PON1: variants seen among roughly 807,000 people sequenced by gnomAD.
PON1 encodes serum paraoxonase/arylesterase 1.
In PON1, 37 loss-of-function variants were observed where a neutral mutation model predicts 39.2. The observed-to-expected ratio is 0.94, with a 90% CI of 0.73 to 1.24. The LOEUF (loss-of-function observed/expected upper bound fraction) is 1.24, where lower values mean the gene tolerates loss of function less well. Ranked by LOEUF, PON1 falls within the 50% of genes most tolerant of loss-of-function variation. PON1 has a pLI of 0.00. For synonymous variants in PON1, 148 were observed against 152.2 expected (o/e 0.97, Z 0.21); for missense variants, 397 against 413.5 (o/e 0.96, Z 0.35).
Position 95,314,394 on chromosome 7 carries a change from GGAAGGAAGGAAGGGAA to G in PON1, c.370+912_370+927del, listed in dbSNP as rs1397398716. Among the ~76,000 whole-genome samples, 22 of 151,132 alleles carry G rather than the reference GGAAGGAAGGAAGGGAA, an allele frequency of 1.5e-4. 1 individual carries two copies. Among genetic ancestry groups the G allele is most frequent in the Admixed American group, 1.2e-3 (18 of 15,102 alleles). On this transcript the variant is annotated intron_variant, in intron 4 of 8. Transcript: ENST00000222381. ...AAAACAAAAAACAAAAGGAGGTGAA[GGAAGGAAGGAAGGGAA>G]GAGGGAAGGAAGGAGAGGGAGGAAG...
intron 1 of PON1, 43 bp from the exon 2 acceptor site, chr7:95,318,436 A>T (rs1363174635): frequency 1.3e-6 from 2 of 1,524,564 alleles, no homozygotes; most frequent in Admixed American, 3.3e-5. Context: ...AACTATTCAG[A>T]AATTATAATA....
chr7:95,322,013 G>A (rs1229735533), intron 1 of PON1, among the ~76,000 whole-genome samples: 3 of 152,020 alleles, frequency 2.0e-5, no homozygotes, highest in African/African-American at 4.8e-5. Context: ...GAAACACAAC[G>A]TTTGCAAAGA....
At chr7:95,318,831 A>G (rs1465736656) in intron 1 of PON1, among the ~76,000 whole-genome samples, 1 of 152,204 alleles carries the variant, frequency 6.6e-6, no homozygotes, top group Non-Finnish European at 1.5e-5. Context: ...CTGCTTTGTG[A>G]TGTAGTGCTT....
At chr7:95,311,662 T>A in intron 4 of PON1, 85 bp from the exon 5 acceptor site, 1 of 1,394,144 alleles carries the variant, frequency 7.2e-7, no homozygotes, top group South Asian at 1.2e-5. Flanking sequence ...TCAACCCACC[T>A]CCAGCTAGTA....
chr7:95,317,573 C>CAAAAAAA (rs869140411), intron 2 of PON1, among the ~76,000 whole-genome samples: 86 of 46,602 alleles, frequency 1.8e-3, no homozygotes, highest in East Asian at 3.7e-3. Flanking sequence ...TCTAAAAGAA[C>CAAAAAAA]AAAAAAAAAA....
intron 4 of PON1, among the ~76,000 whole-genome samples, chr7:95,311,904 G>A (rs1388033648): frequency 1.3e-5 from 2 of 152,188 alleles, no homozygotes; most frequent in Non-Finnish European, 2.9e-5. Flanking sequence ...GCACAGTTGC[G>A]ATGAAAGGGA....
rs745828872 is a variant in PON1, at chr7:95,299,075, C to CTGTT, written c.933_936dup (p.Glu313AsnfsTer5). 63 of 1,613,976 alleles carry CTGTT rather than the reference C, an allele frequency of 3.9e-5. No individual in the cohort carries two copies. Among genetic ancestry groups the CTGTT allele is most frequent in the Middle Eastern group, 1.6e-4 (1 of 6,084 alleles). On this transcript the variant is annotated frameshift_variant, in exon 9 of 9. Transcript: ENST00000222381. LOFTEE classifies it high-confidence loss of function. ...TAAACCTGTGTCACTTTAGGTTCTT[C>CTGTT]TGTTAGAATGTTCTGGATTCGAAGC...
In PON1 at chr7:95,315,272, TTTTTG is replaced by T. The variant is rs780894688; in HGVS notation, c.370+45_370+49del. On this transcript the variant is annotated intron_variant, in intron 4 of 8. Transcript: ENST00000222381. ...ATTCATTTATTGGCATGTTTTTCTG[TTTTTG>T]TTTTAAGTTTGGTTTTGGTTTTAAT... is the stretch of plus-strand genomic sequence containing the variant. 7.6e-5 allele frequency: 113 copies of T among 1,485,964 alleles called. 1 individual carries two copies. In the African/African-American group the frequency reaches 1.3e-3, roughly 18 times the overall value. 92.0% of individuals were successfully genotyped at this position (1,485,964 alleles called of 1,614,324 possible). A position where few individuals can be genotyped will look rare whatever the true frequency, so the allele number is the denominator to read the frequency against.
In PON1 at chr7:95,311,572, C is replaced by T. The variant is rs148785172; in HGVS notation, c.376G>A (p.Ala126Thr). 9.2e-5 allele frequency: 148 copies of T among 1,614,088 alleles called. 1 individual carries two copies. In the African/African-American group the frequency reaches 1.5e-3, roughly 16 times the overall value. ...GISTFTDEDN[A>T]MYLLVVNHPD... ...TGGTTCACCACCAGGAGGTACATGGCATTATCTGAGAGGAGATTAAAAACA... is the reference window on the plus strand; with the variant it reads ...TGGTTCACCACCAGGAGGTACATGGTATTATCTGAGAGGAGATTAAAAACA... The change falls in exon 5 of 9, where the codon GCC becomes ACC. Residue 126 changes from alanine (A) to threonine (T), a missense_variant. Coordinates refer to ENST00000222381, the MANE Select transcript of PON1 (RefSeq NM_000446.7).
rs10638749 is a variant in PON1, at chr7:95,301,923, T to TAA, written c.909+280_909+281dup. Among the ~76,000 whole-genome samples the TAA allele has an allele frequency of 0.41, 55,511 of 135,446 alleles. 11,657 individuals carry two copies. The highest frequency in any genetic ancestry group is 0.54 in the Middle Eastern group (144 of 268). 88.9% of individuals were successfully genotyped at this position (135,446 alleles called of 152,430 possible). A position where few individuals can be genotyped will look rare whatever the true frequency, so the allele number is the denominator to read the frequency against. ...CAACAGGATGAAACCCTGTCTCTAC[T>TAA]AAAAAAAAAAAAAAATACAAAAAAT... On this transcript the variant is annotated intron_variant, in intron 8 of 8. Coordinates refer to ENST00000222381, the MANE Select transcript of PON1 (RefSeq NM_000446.7).
chr7:95,315,334 A>G lies in PON1; in HGVS notation c.358T>C (p.Phe120Leu). 1 of 1,613,170 alleles carries G rather than the reference A, an allele frequency of 6.2e-7. No homozygotes were observed. ...SSFNPHGIST[F>L]TDEDNAMYLL... The stretch of plus-strand genomic sequence containing the variant: ...TAAATATTGTTACCTTCATCTGTGA[A>G]TGTGCTAATCCCATGAGGGTTAAAT... Residue 120 changes from phenylalanine (F) to leucine (L), a missense_variant, in exon 4 of 9, where the codon TTC becomes CTC. Coordinates refer to ENST00000222381, the MANE Select transcript of PON1 (RefSeq NM_000446.7).
Position 95,299,074 on chromosome 7 carries a change from T to G in PON1, c.938A>C (p.Glu313Ala). ...EVLRIQNILTEEPKVTQVYAE... is the reference protein window; with the variant it reads ...EVLRIQNILTAEPKVTQVYAE... ...ATAAACCTGTGTCACTTTAGGTTCT[T>G]CTGTTAGAATGTTCTGGATTCGAAG... Residue 313 changes from glutamate (E) to alanine (A), a missense_variant, in exon 9 of 9, where the codon GAA becomes GCA. Physicochemically the swap from Glu to Ala is moderately radical, Grantham distance 107. Coordinates refer to ENST00000222381, the MANE Select transcript of PON1 (RefSeq NM_000446.7). 6.2e-7 allele frequency: 1 copy of G among 1,614,172 alleles called. No homozygotes were observed.
At chr7:95,308,852 T>C (rs1490742456) in intron 5 of PON1, among the ~76,000 whole-genome samples, 3 of 152,020 alleles carry the variant, frequency 2.0e-5, no homozygotes, top group African/African-American at 7.2e-5. Context: ...TGCTCAGAAA[T>C]AGAATGCTAT....
chr7:95,315,419 A>T lies in PON1; in HGVS notation c.273T>A (p.Asn91Lys), dbSNP rs1300799741. 1.2e-6 allele frequency: 2 copies of T among 1,613,688 alleles called. No individual in the cohort carries two copies. The highest frequency in any genetic ancestry group is 1.1e-5 in the South Asian group (1 of 91,060). ...SPGKILLMDL[N>K]EEDPTVLELG... ...ATTCCAACACTGTTGGATCTTCTTC[A>T]TTCAGGTCCATCAGAAGTATTTTTC... is the stretch of plus-strand genomic sequence containing the variant. Residue 91 changes from asparagine to lysine, a missense_variant, in exon 4 of 9, where the codon AAT (asparagine) becomes AAA (lysine). Coordinates refer to ENST00000222381, the MANE Select transcript of PON1 (RefSeq NM_000446.7).
chr7:95,315,653 G>A (rs1156827922), intron 3 of PON1, among the ~76,000 whole-genome samples, 163 bp from the exon 4 acceptor site: 1 of 152,128 alleles, frequency 6.6e-6, no homozygotes, highest in African/African-American at 2.4e-5. Context: ...TGGGTCCCCA[G>A]GAGAAGTCTT....
At chr7:95,317,237 T>C (rs1807787579) in intron 2 of PON1, among the ~76,000 whole-genome samples, 1 of 152,174 alleles carries the variant, frequency 6.6e-6, no homozygotes, top group Admixed American at 6.5e-5. Flanking sequence ...AATAGTTGAG[T>C]TAAAATGGGG....
At chr7:95,306,484 C>T in intron 6 of PON1, 118 bp from the exon 7 acceptor site, 1 of 788,144 alleles carries the variant, frequency 1.3e-6, no homozygotes, top group South Asian at 1.4e-5. Context: ...GAAAATGGAA[C>T]CCACCTCAAA....
Position 95,298,576 on chromosome 7 carries a change from C to T in PON1, c.*368G>A, listed in dbSNP as rs1807341227. ...ACCCTGCTCCCCTGTGTCTTCTGAA[C>T]AAGACATGGCAAGGCAGCGATACAC... On this transcript the variant is annotated 3_prime_UTR_variant, in exon 9 of 9. Transcript: ENST00000222381. 3 of 354,124 alleles carry T rather than the reference C, an allele frequency of 8.5e-6. No homozygotes were observed. The highest frequency in any genetic ancestry group is 1.7e-5 in the Non-Finnish European group (3 of 181,734). The allele number at this position is 354,124 out of a possible 1,614,324, so 21.9% of individuals were successfully genotyped here.
At chr7:95,313,618 ATG>A (rs3046663) in intron 4 of PON1, among the ~76,000 whole-genome samples, 40,200 of 147,180 alleles carry the variant, frequency 0.27, 5,430 homozygotes, top group East Asian at 0.48. Context: ...ATATATGTAT[ATG>A]TGTGTGTGTG....
Sources: allele counts gnomAD v4.1 joint callset (sites outside exome capture counted in the v4.1 genomes callset), GRCh38; gene constraint gnomAD v4.1.1; transcripts MANE v1.5; gene names NCBI Gene and HGNC (gene_info 2026-07-23, HGNC 2026-07-21).